Variants in LRIG1 observed in about 807,000 individuals in gnomAD.
The protein encoded by LRIG1 is leucine rich repeats and immunoglobulin like domains 1, also known as leucine-rich repeats and immunoglobulin-like domains protein 1.
Under a neutral mutation model 99.2 loss-of-function variants are expected in LRIG1, and 48 were observed. The ratio of observed to expected loss-of-function variants is 0.48; its 90% CI spans 0.38 to 0.62. LRIG1 has a LOEUF of 0.62. Among genes scored for constraint, LRIG1 ranks in the 20% least tolerant of loss-of-function variants. The pLI is 0.00. For synonymous variants in LRIG1, 772 were observed against 596.1 expected (o/e 1.29, Z -4.30); for missense variants, 1,646 against 1,434.4 (o/e 1.15, Z -2.38).
intron 14 of LRIG1, 28 bp downstream of exon 14, chr3:66,383,963 C>G: frequency 6.2e-7 from 1 of 1,606,790 alleles, no homozygotes; most frequent in Non-Finnish European, 8.5e-7. Flanking sequence ...CACACACACA[C>G]ACACACACAG....
intron 3 of LRIG1, among the ~76,000 whole-genome samples, chr3:66,426,923 C>T (rs758462601): frequency 3.3e-5 from 5 of 152,180 alleles, no homozygotes; most frequent in Non-Finnish European, 7.3e-5. Flanking sequence ...GGACTCTCAC[C>T]GAAATGGCAA....
chr3:66,383,948 TCACACACACACACA>T, intron 14 of LRIG1, 29 bp downstream of exon 14: 8 of 1,520,812 alleles, frequency 5.3e-6, no homozygotes, highest in South Asian at 4.8e-5. Flanking sequence ...TCTCTCTCGC[TCACACACACACACA>T]CACACACACA....
At chr3:66,499,664 T>C (rs1486161124) in intron 1 of LRIG1, among the ~76,000 whole-genome samples, 1 of 151,794 alleles carries the variant, frequency 6.6e-6, no homozygotes, top group Non-Finnish European at 1.5e-5. Context: ...ACACACACTA[T>C]CAACTAATAA....
At position 66,414,991 on chromosome 3, in the gene LRIG1, A is replaced by G. The variant is rs941319711; in HGVS notation, c.576T>C (p.Thr192=). ...TGATCCTGTTTTTGCTCAGGCGAAGAGTTAGCAGCGACCGTGACAGACCAT... is the reference window on the plus strand; with the variant it reads ...TGATCCTGTTTTTGCTCAGGCGAAGGGTTAGCAGCGACCGTGACAGACCAT... ...AFDGLSRSLL[T]LRLSKNRITQ... Residue 192 remains threonine, a synonymous_variant, in exon 5 of 19, where the codon ACT becomes ACC. Coordinates refer to ENST00000273261, the MANE Select transcript of LRIG1 (RefSeq NM_015541.3). 3.1e-6 allele frequency: 5 copies of G among 1,613,230 alleles called. No individual in the cohort carries two copies. The African/African-American group carries it at 6.7e-5, about 22-fold the overall frequency.
At chr3:66,478,913 G>A (rs1700785152) in intron 1 of LRIG1, among the ~76,000 whole-genome samples, 1 of 152,152 alleles carries the variant, frequency 6.6e-6, no homozygotes, top group African/African-American at 2.4e-5. Flanking sequence ...GTAGCTCAAT[G>A]AGCCATTTTC....
At position 66,378,959 on chromosome 3, in the gene LRIG1, A is replaced by AGCAAATTCACATATTTTGT. The variant is rs1352542559; in HGVS notation, c.*1285_*1303dup. ...CTCTTTCACATTGCCTCTCAGAAGCAGCAAATTCACATATTTTGTGGAAGT... is the reference window on the plus strand; with the variant it reads ...CTCTTTCACATTGCCTCTCAGAAGCAGCAAATTCACATATTTTGTGCAAATTCACATATTTTGTGGAAGT... On this transcript the variant is annotated 3_prime_UTR_variant, in exon 19 of 19. Coordinates refer to ENST00000273261, the MANE Select transcript of LRIG1 (RefSeq NM_015541.3). The AGCAAATTCACATATTTTGT allele has an allele frequency of 6.5e-6, 1 of 152,694 alleles. No homozygotes were observed. Among genetic ancestry groups the AGCAAATTCACATATTTTGT allele is most frequent in the East Asian group, 1.9e-4 (1 of 5,206 alleles). 9.5% of individuals were successfully genotyped at this position (152,694 alleles called of 1,614,324 possible).
At chr3:66,410,603 CGAA>C (rs1213937490) in intron 6 of LRIG1, among the ~76,000 whole-genome samples, 2 of 152,000 alleles carry the variant, frequency 1.3e-5, no homozygotes, top group African/African-American at 2.4e-5. Context: ...TTGGGGAGGC[CGAA>C]GAAGGAGGAT....
rs148348239 is a variant in LRIG1 at position 66,413,860 on chromosome 3, C to T, written c.648-846G>A. On this transcript the variant is annotated intron_variant, in intron 5 of 18. Coordinates refer to ENST00000273261, the MANE Select transcript of LRIG1 (RefSeq NM_015541.3). ...GGTAGGATGAGAGCCAGGCACACCC[C>T]GTCGTGCCGCCAACCTGGCCCTCGA... Among the ~76,000 whole-genome samples, 222 of 152,268 alleles carry T rather than the reference C, an allele frequency of 1.5e-3. 1 individual carries two copies. Among genetic ancestry groups the T allele is most frequent in the Non-Finnish European group, 2.5e-3 (169 of 68,028 alleles).
chr3:66,454,090 T>C (rs1703993556), intron 2 of LRIG1, among the ~76,000 whole-genome samples: 1 of 152,176 alleles, frequency 6.6e-6, no homozygotes, highest in African/African-American at 2.4e-5. Context: ...CAGTGGGCTC[T>C]GGTGGCAACA....
intron 1 of LRIG1, among the ~76,000 whole-genome samples, chr3:66,489,215 G>A (rs1324033300): frequency 6.6e-6 from 1 of 152,124 alleles, no homozygotes; most frequent in Non-Finnish European, 1.5e-5. Context: ...ATCCATCTGA[G>A]AATTTCACTC....
At chr3:66,404,456 A>C in intron 9 of LRIG1, 1 of 1,146,648 alleles carries the variant, frequency 8.7e-7, no homozygotes. Context: ...CATCTGCAGA[A>C]AGTGCTGGTT....
chr3:66,493,179 C>T (rs1701143963), intron 1 of LRIG1, among the ~76,000 whole-genome samples: 1 of 152,094 alleles, frequency 6.6e-6, no homozygotes, highest in Non-Finnish European at 1.5e-5. Flanking sequence ...AAGAGCACAC[C>T]TGCATTTTTC....
At chr3:66,406,238 T>C in intron 8 of LRIG1, 1 of 985,410 alleles carries the variant, frequency 1.0e-6, no homozygotes, top group Admixed American at 6.1e-5. Context: ...TGGAAGGGAC[T>C]TCTCCTCTCA....
In LRIG1 at chr3:66,500,355, A is replaced by G; in HGVS notation, c.53T>C (p.Leu18Pro). Residue 18 changes from leucine to proline, a missense_variant, in exon 1 of 19, where the codon CTT becomes CCT. Physicochemically the swap from Leu to Pro is moderately conservative, Grantham distance 98 (BLOSUM62 -3). Transcript: ENST00000273261. ...AAGCAAAAGCAGCCAGAGAAGGAGA[A>G]GGCAAGGCGAGCGGCGCGGGGCCCC... is the stretch of plus-strand genomic sequence containing the variant. ...GLGAPRRSPC[L>P]LLLWLLLLRL... is the part of the protein sequence containing the mutation. 1 of 1,491,002 alleles carries G rather than the reference A, an allele frequency of 6.7e-7. No individual in the cohort carries two copies. Among genetic ancestry groups the G allele is most frequent in the South Asian group, 1.3e-5 (1 of 78,306 alleles). The allele number at this position is 1,491,002 out of a possible 1,614,324, so 92.4% of individuals were successfully genotyped here.
At chr3:66,462,576 C>G (rs923474948) in intron 1 of LRIG1, 67 bp from the exon 2 acceptor site, 1 of 1,092,332 alleles carries the variant, frequency 9.2e-7, no homozygotes, top group African/African-American at 1.5e-5. Context: ...ATTCAGAAAT[C>G]TTCTCTTCTC....
chr3:66,380,961 C>T, intron 17 of LRIG1, 100 bp from the exon 18 acceptor site: 1 of 1,250,266 alleles, frequency 8.0e-7, no homozygotes, highest in South Asian at 1.4e-5. Flanking sequence ...AAGGTGAGAA[C>T]CCTGACTGCA....
intron 3 of LRIG1, among the ~76,000 whole-genome samples, chr3:66,421,458 C>T (rs1702807244): frequency 6.6e-6 from 1 of 152,188 alleles, no homozygotes; most frequent in South Asian, 2.1e-4. Context: ...GCTACAGGCT[C>T]CATGCAAGTC....
At chr3:66,410,856 C>G (rs1323707506) in intron 6 of LRIG1, among the ~76,000 whole-genome samples, 1 of 152,248 alleles carries the variant, frequency 6.6e-6, no homozygotes, top group Non-Finnish European at 1.5e-5. Context: ...AGACTTTACA[C>G]AGCTTAGCCA....
intron 3 of LRIG1, among the ~76,000 whole-genome samples, chr3:66,443,191 G>A (rs1703601048): frequency 6.6e-6 from 1 of 151,942 alleles, no homozygotes; most frequent in Non-Finnish European, 1.5e-5. Flanking sequence ...GAGGCTCCTT[G>A]GTGGTATCCA....
Sources: gnomAD v4.1 joint callset for allele counts (sites outside exome capture counted in the v4.1 genomes callset) on GRCh38, gnomAD v4.1.1 for gene constraint, MANE v1.5 for transcripts, NCBI Gene and HGNC (gene_info 2026-07-23, HGNC 2026-07-21) for gene names.